The following KAT2B variants were observed in gnomAD, a reference collection of about 807,000 sequenced individuals.
KAT2B encodes the protein lysine acetyltransferase 2B.
Under a neutral mutation model 105.9 loss-of-function variants are expected in KAT2B, and 36 were observed. The observed-to-expected ratio is 0.34, with a 90% CI of 0.26 to 0.45. KAT2B has a LOEUF of 0.45. Among genes scored for constraint, KAT2B ranks in the 20% least tolerant of loss-of-function variants. The probability of loss-of-function intolerance (pLI) is 1.00; values close to 1 mark genes in which losing one functional copy is unlikely to be tolerated. For missense variants in KAT2B, 820 were observed against 1,021.6 expected (o/e 0.80, Z 2.69); for synonymous variants, 397 against 377.9 (o/e 1.05, Z -0.59).
chr3:20,135,390 C>G (rs982668158), intron 11 of KAT2B, among the ~76,000 whole-genome samples: 19 of 152,134 alleles, frequency 1.2e-4, no homozygotes, highest in African/African-American at 3.4e-4. Flanking sequence ...CGCGGTGGCT[C>G]ACGCCTGTAA....
At chr3:20,103,786 C>G (rs1698951550) in intron 5 of KAT2B, among the ~76,000 whole-genome samples, 1 of 152,142 alleles carries the variant, frequency 6.6e-6, no homozygotes, top group African/African-American at 2.4e-5. Flanking sequence ...CTTATGAATA[C>G]TTAAGAAGTA....
At chr3:20,142,875 A>G (rs1364386970) in intron 13 of KAT2B, among the ~76,000 whole-genome samples, 1 of 150,884 alleles carries the variant, frequency 6.6e-6, no homozygotes, top group Admixed American at 6.7e-5. Context: ...ATAATTGGGT[A>G]TCTATGTGCC....
At chr3:20,138,077 A>T (rs1320458669) in intron 12 of KAT2B, among the ~76,000 whole-genome samples, 4 of 152,194 alleles carry the variant, frequency 2.6e-5, no homozygotes, top group African/African-American at 9.7e-5. Flanking sequence ...AAACATTTTC[A>T]TTTACTTTTC....
At chr3:20,129,007 C>T (rs1413250427) in intron 11 of KAT2B, among the ~76,000 whole-genome samples, 2 of 57,284 alleles carry the variant, frequency 3.5e-5, no homozygotes, top group Non-Finnish European at 6.1e-5. Flanking sequence ...AACTCCATCT[C>T]AAAAAAAAAA....
rs1185946047 is a variant in KAT2B at position 20,153,760 on chromosome 3, AACAC to A, written c.*1236_*1239del. 6.6e-6 allele frequency: 1 copy of A among 152,650 alleles called. No individual in the cohort carries two copies. The highest frequency in any genetic ancestry group is 2.4e-5 in the African/African-American group (1 of 41,460). The allele number at this position is 152,650 out of a possible 1,614,324, so 9.5% of individuals were successfully genotyped here. A position where few individuals can be genotyped will look rare whatever the true frequency, so the allele number is the denominator to read the frequency against. On this transcript the variant is annotated 3_prime_UTR_variant, in exon 18 of 18. Coordinates refer to ENST00000263754, the MANE Select transcript of KAT2B (RefSeq NM_003884.5). ...AAATGAAGGCCATCTTGATGGTCTC[AACAC>A]TAATTTTTATGATGCAAATTTATAC... is the stretch of plus-strand genomic sequence containing the variant.
chr3:20,141,164 A>C (rs1371026765), intron 13 of KAT2B, among the ~76,000 whole-genome samples: 1 of 152,164 alleles, frequency 6.6e-6, no homozygotes, highest in East Asian at 1.9e-4. Context: ...AATTTCAGTT[A>C]TTCATCTTAC....
At chr3:20,088,675 C>G (rs1315175425) in intron 2 of KAT2B, among the ~76,000 whole-genome samples, 1 of 152,118 alleles carries the variant, frequency 6.6e-6, no homozygotes. Flanking sequence ...TGAAAATGTT[C>G]TCTTCCATTC....
intron 1 of KAT2B, among the ~76,000 whole-genome samples, chr3:20,047,314 G>C (rs1224722365): frequency 6.6e-6 from 1 of 151,864 alleles, no homozygotes. Context: ...TCAAGCAATT[G>C]GCCTGCCTTG....
chr3:20,048,116 A>G (rs1440830318), intron 1 of KAT2B, among the ~76,000 whole-genome samples: 2 of 152,214 alleles, frequency 1.3e-5, no homozygotes, highest in Non-Finnish European at 2.9e-5. Flanking sequence ...ATACAATTGT[A>G]TCCTGTGGTG....
chr3:20,044,415 T>TA (rs35278480), intron 1 of KAT2B, among the ~76,000 whole-genome samples: 3,770 of 145,190 alleles, frequency 0.026, 69 homozygotes, highest in Non-Finnish European at 0.038. Flanking sequence ...AGATTCTCCC[T>TA]AAAAAAAAAA....
chr3:20,101,196 C>G, intron 4 of KAT2B, 91 bp from the exon 5 acceptor site: 1 of 996,414 alleles, frequency 1.0e-6, no homozygotes, highest in African/African-American at 1.6e-5. Flanking sequence ...TGTTATTTTG[C>G]TAATAACCAC....
chr3:20,095,125 T>C lies in KAT2B; in HGVS notation c.431-138T>C, dbSNP rs1698786189. On this transcript the variant is annotated intron_variant, in intron 2 of 17. Transcript: ENST00000263754. The stretch of plus-strand genomic sequence containing the variant: ...TGAGAAGACTTCAGTCCTACAGGAG[T>C]TCAGAAATTTTCTCTTATTACCAGT... 6.3e-6 allele frequency: 4 copies of C among 630,930 alleles called. No individual in the cohort carries two copies. In the South Asian group the frequency reaches 9.4e-5, roughly 15 times the overall value. The allele number at this position is 630,930 out of a possible 1,614,324, so 39.1% of individuals were successfully genotyped here.
chr3:20,126,319 A>T (rs1301432839), intron 10 of KAT2B, among the ~76,000 whole-genome samples: 1 of 152,168 alleles, frequency 6.6e-6, no homozygotes, highest in Non-Finnish European at 1.5e-5. Context: ...GTTAATGATG[A>T]TGAAACTTTA....
intron 14 of KAT2B, 120 bp from the exon 15 acceptor site, chr3:20,147,841 GTC>G (rs1699804480): frequency 2.4e-6 from 2 of 841,284 alleles, no homozygotes; most frequent in Non-Finnish European, 3.8e-6. Context: ...AATTTCAGTC[GTC>G]TCTCAGAAGT....
chr3:20,110,672 C>CAAAAAAAAAAA (rs55653348), intron 5 of KAT2B, among the ~76,000 whole-genome samples: 1 of 69,460 alleles, frequency 1.4e-5, no homozygotes, highest in Non-Finnish European at 2.7e-5. Flanking sequence ...GACCCTGTCT[C>CAAAAAAAAAAA]AAAAAAAAAA....
At position 20,150,184 on chromosome 3, in the gene KAT2B, C is replaced by G. The variant is rs141705214; in HGVS notation, c.2305+1697C>G. ...GTGATGGGCTGAAATGTGTGCTGGA[C>G]AAAGTTAAAGCTATAAATGGTGTTC... On this transcript the variant is annotated intron_variant, in intron 17 of 17. Transcript: ENST00000263754. 4.2e-3 allele frequency among the ~76,000 whole-genome samples: 637 copies of G among 152,262 alleles called. 4 individuals are homozygous for G. The highest frequency in any genetic ancestry group is 7.2e-3 in the Non-Finnish European group (489 of 68,018).
At chr3:20,076,369 C>T (rs1361248672) in intron 2 of KAT2B, among the ~76,000 whole-genome samples, 1 of 152,102 alleles carries the variant, frequency 6.6e-6, no homozygotes, top group Non-Finnish European at 1.5e-5. Context: ...TGTTTCTTCT[C>T]TATTCTTTAG....
At chr3:20,092,942 C>G (rs541282708) in intron 2 of KAT2B, among the ~76,000 whole-genome samples, 1 of 152,032 alleles carries the variant, frequency 6.6e-6, no homozygotes, top group Admixed American at 6.6e-5. Flanking sequence ...CCTTGTGATT[C>G]GACTGCCTCA....
intron 1 of KAT2B, among the ~76,000 whole-genome samples, chr3:20,057,597 TA>T (rs1375318715): frequency 1.3e-5 from 2 of 152,242 alleles, no homozygotes; most frequent in Non-Finnish European, 2.9e-5. Flanking sequence ...TTTTGACAGA[TA>T]ATTTCTGATA....
Sources: allele counts gnomAD v4.1 joint callset (sites outside exome capture counted in the v4.1 genomes callset), GRCh38; gene constraint gnomAD v4.1.1; transcripts MANE v1.5; gene names NCBI Gene and HGNC (gene_info 2026-07-23, HGNC 2026-07-21).